Variants in ELOVL4 observed in about 807,000 individuals in gnomAD.
The protein encoded by ELOVL4 is very long chain fatty acid elongase 4.
ELOVL4 carries 18 observed loss-of-function variants against 42.1 expected under a neutral mutation model. The ratio of observed to expected loss-of-function variants is 0.43; its 90% CI spans 0.30 to 0.63. The LOEUF is 0.63. ELOVL4 is among the 30% of genes least tolerant of loss of function. The probability of loss-of-function intolerance (pLI) is 0.15; values close to 1 mark genes in which losing one functional copy is unlikely to be tolerated. For synonymous variants in ELOVL4, 117 were observed against 127.0 expected, an observed-to-expected ratio of 0.92 and a Z score of 0.53; for missense variants, 299 against 376.2, an observed-to-expected ratio of 0.79 and a Z score of 1.70.
intron 1 of ELOVL4, among the ~76,000 whole-genome samples, chr6:79,945,632 A>T (rs1774728048): frequency 6.6e-6 from 1 of 152,106 alleles, no homozygotes; most frequent in Non-Finnish European, 1.5e-5. Flanking sequence ...TGCGAAGTGC[A>T]ATTACCTGCT....
At chr6:79,934,321 A>C (rs1434498304) in intron 1 of ELOVL4, among the ~76,000 whole-genome samples, 1 of 152,202 alleles carries the variant, frequency 6.6e-6, no homozygotes, top group Non-Finnish European at 1.5e-5. Context: ...ACAAAGACCG[A>C]GAAATTTCCA....
chr6:79,930,230 T>C (rs1274347133), intron 1 of ELOVL4, among the ~76,000 whole-genome samples: 1 of 152,232 alleles, frequency 6.6e-6, no homozygotes, highest in Non-Finnish European at 1.5e-5. Flanking sequence ...AAGGCATGCA[T>C]TCATTCAACA....
At chr6:79,933,328 G>A (rs151666) in intron 1 of ELOVL4, among the ~76,000 whole-genome samples, 207 of 152,082 alleles carry the variant, frequency 1.4e-3, no homozygotes, top group African/African-American at 4.0e-3. Context: ...CCTCCAGGGC[G>A]TAAGCGATTT....
intron 3 of ELOVL4, among the ~76,000 whole-genome samples, chr6:79,922,182 T>C (rs1201594886): frequency 6.6e-6 from 1 of 152,186 alleles, no homozygotes; most frequent in Non-Finnish European, 1.5e-5. Flanking sequence ...GCCTACATTA[T>C]ACTACCTCAG....
intron 1 of ELOVL4, among the ~76,000 whole-genome samples, chr6:79,932,265 G>C (rs1232836887): frequency 6.6e-6 from 1 of 152,224 alleles, no homozygotes; most frequent in African/African-American, 2.4e-5. Flanking sequence ...AGGGGGCCGG[G>C]TGCAGTGGCT....
In ELOVL4 at chr6:79,922,754, T is replaced by C. The variant is rs1187721527; in HGVS notation, c.370-958A>G. Among the ~76,000 whole-genome samples the C allele has an allele frequency of 5.3e-5, 8 of 152,316 alleles. No individual in the cohort carries two copies. In the South Asian group the frequency reaches 1.7e-3, roughly 32 times the overall value. Reference sequence around the variant, plus strand: ...TCCCTTTGCATTTTATACCTGCACCTGGTATATGTCATGAGATTTTTGTTT... The same window carrying C: ...TCCCTTTGCATTTTATACCTGCACCCGGTATATGTCATGAGATTTTTGTTT... On this transcript the variant is annotated intron_variant, in intron 3 of 5. Coordinates refer to ENST00000369816, the MANE Select transcript of ELOVL4 (RefSeq NM_022726.4).
chr6:79,927,529 A>G (rs1774364672), intron 1 of ELOVL4, among the ~76,000 whole-genome samples: 1 of 152,198 alleles, frequency 6.6e-6, no homozygotes, highest in African/African-American at 2.4e-5. Flanking sequence ...AGGTATTAAA[A>G]TACCTTACTT....
At chr6:79,945,785 A>G (rs1427455856) in intron 1 of ELOVL4, among the ~76,000 whole-genome samples, 1 of 149,004 alleles carries the variant, frequency 6.7e-6, no homozygotes, top group Admixed American at 6.7e-5. Flanking sequence ...TCAGTGTAAT[A>G]GCGCATAGAA....
intron 1 of ELOVL4, among the ~76,000 whole-genome samples, chr6:79,944,778 A>G (rs572257980): frequency 2.0e-5 from 3 of 152,292 alleles, no homozygotes; most frequent in Admixed American, 6.5e-5. Flanking sequence ...CTCTCCCTCA[A>G]TAATTTGCAT....
At chr6:79,931,280 A>G (rs756450333) in intron 1 of ELOVL4, among the ~76,000 whole-genome samples, 4 of 152,140 alleles carry the variant, frequency 2.6e-5, no homozygotes, top group Non-Finnish European at 4.4e-5. Flanking sequence ...TCACGTTGTC[A>G]TGTAAACCTT....
At chr6:79,918,845 A>C (rs563495852) in intron 5 of ELOVL4, among the ~76,000 whole-genome samples, 1 of 152,308 alleles carries the variant, frequency 6.6e-6, no homozygotes, top group East Asian at 1.9e-4. Flanking sequence ...CCATTTGAAA[A>C]TATCTGTCTC....
rs144571487 is a variant in ELOVL4, at chr6:79,936,965, G to C, written c.100+10215C>G. Among the ~76,000 whole-genome samples, 293 of 152,336 alleles carry C rather than the reference G, an allele frequency of 1.9e-3. 2 individuals carry two copies. Among genetic ancestry groups the C allele is most frequent in the African/African-American group, 6.7e-3 (279 of 41,586 alleles). On this transcript the variant is annotated intron_variant, in intron 1 of 5. Transcript: ENST00000369816. ...CCCTATGTACTCAAAAAAGAGGATG[G>C]AAGGTTTGAGTTTGGAAGAGCACCT... is the stretch of plus-strand genomic sequence containing the variant.
intron 2 of ELOVL4, 64 bp downstream of exon 2, chr6:79,926,130 C>T: frequency 7.3e-7 from 1 of 1,376,276 alleles, no homozygotes. Context: ...GATGGTTTTA[C>T]ACATTCTCAT....
chr6:79,932,749 C>CA (rs1280387278), intron 1 of ELOVL4, among the ~76,000 whole-genome samples: 1 of 152,158 alleles, frequency 6.6e-6, no homozygotes, highest in Non-Finnish European at 1.5e-5. Context: ...CCTGATCTCT[C>CA]AATGCTCAAC....
intron 1 of ELOVL4, among the ~76,000 whole-genome samples, chr6:79,937,694 G>A (rs1315026507): frequency 6.6e-6 from 1 of 152,172 alleles, no homozygotes; most frequent in Non-Finnish European, 1.5e-5. Flanking sequence ...AGTAGGCTAT[G>A]TTGCATTATA....
At chr6:79,935,749 T>C (rs926582102) in intron 1 of ELOVL4, among the ~76,000 whole-genome samples, 2 of 152,206 alleles carry the variant, frequency 1.3e-5, no homozygotes, top group African/African-American at 4.8e-5. Context: ...TAAATCTAAA[T>C]ACATCTAGCA....
chr6:79,928,141 T>C (rs1291300755), intron 1 of ELOVL4, among the ~76,000 whole-genome samples: 2 of 152,130 alleles, frequency 1.3e-5, no homozygotes, highest in African/African-American at 2.4e-5. Flanking sequence ...ACAAACCCCC[T>C]ATATTAGAGA....
intron 4 of ELOVL4, among the ~76,000 whole-genome samples, chr6:79,921,249 C>T (rs1774246576): frequency 6.6e-6 from 1 of 151,762 alleles, no homozygotes; most frequent in Non-Finnish European, 1.5e-5. Flanking sequence ...ATCACAAGGT[C>T]AAGAGATCGA....
In ELOVL4 at chr6:79,916,365, ATTGCT is replaced by A. The variant is rs550447949; in HGVS notation, c.*238_*242del. ...GGAGAATCCCCAAAGTCACTTAATGATTGCTTTGGTCTGGAGAATATCAAGGCTAA... is the reference window on the plus strand; with the variant it reads ...GGAGAATCCCCAAAGTCACTTAATGATTGGTCTGGAGAATATCAAGGCTAA... On this transcript the variant is annotated 3_prime_UTR_variant, in exon 6 of 6. Coordinates refer to ENST00000369816, the MANE Select transcript of ELOVL4 (RefSeq NM_022726.4). 65 of 497,308 alleles carry A rather than the reference ATTGCT, an allele frequency of 1.3e-4. No homozygotes were observed. The East Asian group carries it at 2.3e-3, about 18-fold the overall frequency. 30.8% of individuals were successfully genotyped at this position (497,308 alleles called of 1,614,324 possible).
Sources: allele counts gnomAD v4.1 joint callset (sites outside exome capture counted in the v4.1 genomes callset), GRCh38; gene constraint gnomAD v4.1.1; transcripts MANE v1.5; gene names NCBI Gene and HGNC (gene_info 2026-07-23, HGNC 2026-07-21).